Variants in ANKS1B observed in about 807,000 individuals in gnomAD.
ANKS1B encodes ankyrin repeat and sterile alpha motif domain containing 1B, also known as ankyrin repeat and sterile alpha motif domain-containing protein 1B.
A neutral mutation model predicts 148.3 loss-of-function variants in ANKS1B; 36 were observed. The observed-to-expected ratio is 0.24, with a 90% CI of 0.19 to 0.32. ANKS1B has a LOEUF of 0.32. Ranked by LOEUF, ANKS1B falls within the 10% of genes least tolerant of loss-of-function variation. The pLI is 1.00. For missense variants in ANKS1B, 1,157 were observed against 1,542.6 expected (o/e 0.75, Z 4.19); for synonymous variants, 542 against 560.8 (o/e 0.97, Z 0.47).
At chr12:98,784,829 T>C (rs2098775008) in intron 22 of ANKS1B, among the ~76,000 whole-genome samples, 1 of 152,190 alleles carries the variant, frequency 6.6e-6, no homozygotes, top group African/African-American at 2.4e-5. Context: ...GAATCTCTGC[T>C]CTCCTAACTG....
intron 15 of ANKS1B, among the ~76,000 whole-genome samples, chr12:99,124,704 C>A (rs2063816405): frequency 6.6e-6 from 1 of 151,686 alleles, no homozygotes; most frequent in Non-Finnish European, 1.5e-5. Context: ...TTGGGTAATA[C>A]AATGTTAGAC....
chr12:99,515,593 G>T (rs1242222186), intron 9 of ANKS1B, among the ~76,000 whole-genome samples: 1 of 151,926 alleles, frequency 6.6e-6, no homozygotes, highest in African/African-American at 2.4e-5. Flanking sequence ...CACTTAGATT[G>T]CTTCCAAATT....
chr12:98,834,161 C>T (rs2153701843), intron 17 of ANKS1B, among the ~76,000 whole-genome samples: 1 of 152,276 alleles, frequency 6.6e-6, no homozygotes, highest in East Asian at 1.9e-4. Context: ...AAACCTTCAT[C>T]TCCCCAGGCT....
intron 15 of ANKS1B, chr12:99,097,327 G>A (rs1035701121): frequency 6.6e-6 from 1 of 151,584 alleles, no homozygotes; most frequent in Admixed American, 6.6e-5. Flanking sequence ...TTTTTTTTCA[G>A]TTTTGCAAAT....
At chr12:99,763,753 G>A (rs2062389928) in intron 8 of ANKS1B, among the ~76,000 whole-genome samples, 1 of 151,520 alleles carries the variant, frequency 6.6e-6, no homozygotes, top group Non-Finnish European at 1.5e-5. Context: ...TAAATATTTA[G>A]GAATTCAAAA....
intron 8 of ANKS1B, among the ~76,000 whole-genome samples, chr12:99,719,382 C>G (rs1025962528): frequency 6.6e-6 from 1 of 152,138 alleles, no homozygotes; most frequent in Non-Finnish European, 1.5e-5. Flanking sequence ...TGATACCACA[C>G]CTGACCCCCA....
intron 10 of ANKS1B, among the ~76,000 whole-genome samples, chr12:99,449,144 T>C (rs1018866750): frequency 2.0e-5 from 3 of 152,164 alleles, no homozygotes; most frequent in Admixed American, 6.6e-5. Flanking sequence ...AGTTTGTATT[T>C]TTTAGTTCCT....
rs183848698 is a variant in ANKS1B at position 98,954,987 on chromosome 12, G to A, written c.2778+98170C>T. Among the ~76,000 whole-genome samples the A allele has an allele frequency of 3.1e-4, 45 of 147,150 alleles. No homozygotes were observed. In the East Asian group the frequency reaches 4.2e-3, roughly 14 times the overall value. ...TTCATCCTTTAAGTGTTTGTTGAGT[G>A]ATTGAGATCAAATATTGATATATTG... is the stretch of plus-strand genomic sequence containing the variant. On this transcript the variant is annotated intron_variant, in intron 17 of 26. Coordinates refer to ENST00000683438, the MANE Select transcript of ANKS1B (RefSeq NM_001352186.2).
intron 12 of ANKS1B, among the ~76,000 whole-genome samples, chr12:99,319,245 G>A (rs1472346573): frequency 6.6e-6 from 1 of 152,136 alleles, no homozygotes; most frequent in Non-Finnish European, 1.5e-5. Flanking sequence ...TTTCTGTCTT[G>A]TTGATCTGTC....
chr12:99,713,521 C>T (rs151332975), intron 8 of ANKS1B, among the ~76,000 whole-genome samples: 7 of 152,242 alleles, frequency 4.6e-5, no homozygotes, highest in East Asian at 1.9e-4. Flanking sequence ...CAAATTTCCT[C>T]GGCTAAATCT....
chr12:98,963,981 C>A (rs1320713061), intron 17 of ANKS1B, among the ~76,000 whole-genome samples: 1 of 152,110 alleles, frequency 6.6e-6, no homozygotes, highest in South Asian at 2.1e-4. Context: ...TGCCTGTAAT[C>A]CAGATCTTCG....
chr12:99,103,058 G>A (rs2058356419), intron 15 of ANKS1B, among the ~76,000 whole-genome samples: 3 of 152,148 alleles, frequency 2.0e-5, no homozygotes, highest in African/African-American at 7.2e-5. Context: ...GGATCCACAG[G>A]AGAGGGAAAG....
rs554860559 is a variant in ANKS1B, at chr12:99,863,017, T to C, written c.135-37628A>G. Among the ~76,000 whole-genome samples the C allele has an allele frequency of 2.6e-5, 4 of 152,330 alleles. No individual in the cohort carries two copies. In the South Asian group the frequency reaches 8.3e-4, roughly 32 times the overall value. On this transcript the variant is annotated intron_variant, in intron 1 of 26. Coordinates refer to ENST00000683438, the MANE Select transcript of ANKS1B (RefSeq NM_001352186.2). ...ACTCTATCCCTAGACCCAGCTGTCA[T>C]GAGGAATAGAGAGGCAATCCCAGTA...
At chr12:99,180,880 G>A (rs1354147073) in intron 14 of ANKS1B, among the ~76,000 whole-genome samples, 1 of 150,364 alleles carries the variant, frequency 6.7e-6, no homozygotes, top group Non-Finnish European at 1.5e-5. Flanking sequence ...CTCCCCCAAA[G>A]CAAGCCATAA....
intron 9 of ANKS1B, among the ~76,000 whole-genome samples, chr12:99,643,530 G>C (rs112237028): frequency 3.3e-5 from 5 of 152,196 alleles, no homozygotes; most frequent in African/African-American, 7.2e-5. Context: ...CTACCCTCTC[G>C]GGCCTCAGTC....
intron 12 of ANKS1B, among the ~76,000 whole-genome samples, chr12:99,327,020 TATA>T (rs1257413021): frequency 3.7e-5 from 5 of 134,376 alleles, no homozygotes; most frequent in East Asian, 4.0e-4. Flanking sequence ...TATATTATAT[TATA>T]ATAAATATTA....
chr12:98,833,794 G>A (rs1172283244), intron 17 of ANKS1B, among the ~76,000 whole-genome samples: 1 of 152,002 alleles, frequency 6.6e-6, no homozygotes, highest in Admixed American at 6.6e-5. Flanking sequence ...CCATCGTTAT[G>A]CCCATGAGTA....
intron 12 of ANKS1B, among the ~76,000 whole-genome samples, chr12:99,393,817 C>T (rs73151164): frequency 0.11 from 16,261 of 152,138 alleles, 871 homozygotes; most frequent in Non-Finnish European, 0.12. Flanking sequence ...TTAATTATCT[C>T]CTTGTTCTCT....
rs116242242 is a variant in ANKS1B, at chr12:99,501,722, C to A, written c.1438+2754G>T. 7.8e-3 allele frequency among the ~76,000 whole-genome samples: 1,190 copies of A among 151,820 alleles called. 11 individuals are homozygous for A. The highest frequency in any genetic ancestry group is 0.027 in the African/African-American group (1,110 of 41,336). ...AGATATTTGTTTTCAGTATCCAAAG[C>A]CACAGAAGTCTTGAGCACTGAAGTT... On this transcript the variant is annotated intron_variant, in intron 10 of 26. Transcript: ENST00000683438.
Sources: gnomAD v4.1 joint callset for allele counts (sites outside exome capture counted in the v4.1 genomes callset) on GRCh38, gnomAD v4.1.1 for gene constraint, MANE v1.5 for transcripts, NCBI Gene and HGNC (gene_info 2026-07-23, HGNC 2026-07-21) for gene names.